Variants in TRIM29 observed in about 807,000 individuals in gnomAD.
The protein encoded by TRIM29 is tripartite motif-containing protein 29.
TRIM29 carries 52 observed loss-of-function variants against 57.3 expected under a neutral mutation model. The ratio of observed to expected loss-of-function variants is 0.91; its 90% confidence interval spans 0.73 to 1.14. The LOEUF (loss-of-function observed/expected upper bound fraction) is 1.14, where lower values mean the gene tolerates loss of function less well. TRIM29 is among the 50% of genes most tolerant of loss of function. The probability of loss-of-function intolerance (pLI) is 0.00; values close to 1 mark genes in which losing one functional copy is unlikely to be tolerated. For missense variants in TRIM29, 753 were observed against 774.6 expected (o/e 0.97, Z 0.33); for synonymous variants, 319 against 316.9 (o/e 1.01, Z -0.07).
chr11:120,112,487 A>C lies in TRIM29; in HGVS notation c.1705-11T>G. On this transcript the variant is annotated splice_polypyrimidine_tract_variant and intron_variant, in intron 8 of 8. Transcript: ENST00000341846. ...TGGCCGGTAGTGAGACTGTGGGGGA[A>C]ACAAGAGTGGTCAGCGAGGCCAGAC... 1 of 1,613,630 alleles carries C rather than the reference A, an allele frequency of 6.2e-7. No individual in the cohort carries two copies. Among genetic ancestry groups the C allele is most frequent in the Non-Finnish European group, 8.5e-7 (1 of 1,179,694 alleles).
intron 1 of TRIM29, among the ~76,000 whole-genome samples, chr11:120,134,603 T>C (rs1387564686): frequency 2.0e-5 from 3 of 152,124 alleles, no homozygotes; most frequent in Non-Finnish European, 4.4e-5. Flanking sequence ...CTGGCTCCAC[T>C]TCTCCCCGCC....
intron 4 of TRIM29, chr11:120,123,743 T>G: frequency 3.0e-6 from 1 of 333,044 alleles, no homozygotes; most frequent in Non-Finnish European, 5.9e-6. Flanking sequence ...CTTCCCTCTC[T>G]CTCTCCTGAG....
chr11:120,115,554 G>A (rs909740027), intron 7 of TRIM29, 140 bp from the exon 8 acceptor site: 31 of 711,136 alleles, frequency 4.4e-5, no homozygotes, highest in Middle Eastern at 2.4e-4. Flanking sequence ...GTCTGAACAC[G>A]CGTGCAGCAG....
rs532193556 is a variant in TRIM29 at position 120,121,919 on chromosome 11, A to AACAGCTTATCCT, written c.1435+1034_1435+1035insAGGATAAGCTGT. 8.2e-4 allele frequency: 363 copies of AACAGCTTATCCT among 445,208 alleles called. 3 individuals are homozygous for AACAGCTTATCCT. Among genetic ancestry groups the AACAGCTTATCCT allele is most frequent in the African/African-American group, 6.7e-3 (334 of 49,686 alleles). 27.6% of individuals were successfully genotyped at this position (445,208 alleles called of 1,614,324 possible). A position where few individuals can be genotyped will look rare whatever the true frequency, so the allele number is the denominator to read the frequency against. On this transcript the variant is annotated intron_variant, in intron 5 of 8. Transcript: ENST00000341846. ...TGAGGAGAGGGGTGCTGGGGCCGGC[A>AACAGCTTATCCT]CTCCCAGAACTTGCCCAAAGGCACA...
At chr11:120,127,078 T>C (rs1008278546) in intron 3 of TRIM29, among the ~76,000 whole-genome samples, 12 of 152,206 alleles carry the variant, frequency 7.9e-5, no homozygotes, top group South Asian at 2.1e-4. Context: ...CACATATCAA[T>C]TGAAGTTGGT....
chr11:120,115,433 C>A lies in TRIM29; in HGVS notation c.1628-19G>T. ...GGATAGCCTGGGAAGACAAGAGATT[C>A]AGGTCAAAGGGAGCAGCGCTGGTGG... is the stretch of plus-strand genomic sequence containing the variant. On this transcript the variant is annotated intron_variant, in intron 7 of 8. Coordinates refer to ENST00000341846, the MANE Select transcript of TRIM29 (RefSeq NM_012101.4). 1 of 1,611,124 alleles carries A rather than the reference C, an allele frequency of 6.2e-7. No individual in the cohort carries two copies. The highest frequency in any genetic ancestry group is 8.5e-7 in the Non-Finnish European group (1 of 1,178,530).
intron 4 of TRIM29, chr11:120,124,422 G>A (rs1055765679): frequency 6.6e-6 from 1 of 152,418 alleles, no homozygotes; most frequent in Admixed American, 6.5e-5. Flanking sequence ...CAGATGAGAG[G>A]GCATGGGAGA....
Position 120,118,278 on chromosome 11 carries a change from C to T in TRIM29, c.1572G>A (p.Gln524=). The T allele has an allele frequency of 6.2e-7, 1 of 1,614,000 alleles. No homozygotes were observed. Among genetic ancestry groups the T allele is most frequent in the Non-Finnish European group, 8.5e-7 (1 of 1,179,964 alleles). The change falls in exon 7 of 9, where the codon CAG becomes CAA. Residue 524 remains glutamine (Q), a synonymous_variant. Transcript: ENST00000341846. ...CGACGGGCAGGTCATTGTCAGAGTT[C>T]TGAATGCTGGAGGAGTACTCCCAGA... ...SRVWEYSSSI[Q]NSDNDLPVVQ...
intron 1 of TRIM29, among the ~76,000 whole-genome samples, chr11:120,130,373 G>A (rs1386797372): frequency 2.6e-5 from 4 of 152,170 alleles, no homozygotes; most frequent in African/African-American, 4.8e-5. Flanking sequence ...TTACCACCCC[G>A]AGGACAAGGT....
At chr11:120,113,226 C>T (rs1414877046) in intron 8 of TRIM29, among the ~76,000 whole-genome samples, 7 of 152,200 alleles carry the variant, frequency 4.6e-5, no homozygotes, top group African/African-American at 9.7e-5. Flanking sequence ...GCCATTGGTA[C>T]AGGGAGCATC....
chr11:120,126,073 T>A lies in TRIM29; in HGVS notation c.1135-184A>T, dbSNP rs1011089134. On this transcript the variant is annotated intron_variant, in intron 3 of 8. Transcript: ENST00000341846. The stretch of plus-strand genomic sequence containing the variant: ...AACTAAAAGCCACTGGATGCTAACA[T>A]CCCTGATGGCACTAGCGTTCAGATG... 6 of 621,980 alleles carry A rather than the reference T, an allele frequency of 9.6e-6. No homozygotes were observed. The Admixed American group carries it at 1.5e-4, about 15-fold the overall frequency. The allele number at this position is 621,980 out of a possible 1,614,324, so 38.5% of individuals were successfully genotyped here.
chr11:120,128,828 C>A, intron 1 of TRIM29: 1 of 1,518,426 alleles, frequency 6.6e-7, no homozygotes, highest in Middle Eastern at 1.7e-4. Flanking sequence ...AGGGTGCTTG[C>A]CCTTTTCAGT....
intron 2 of TRIM29, 62 bp downstream of exon 2, chr11:120,128,338 C>G: frequency 6.7e-7 from 1 of 1,490,008 alleles, no homozygotes; most frequent in Non-Finnish European, 9.2e-7. Context: ...CCAAGGCCTG[C>G]GTCTTTCCAG....
intron 6 of TRIM29, chr11:120,118,684 C>A: frequency 4.7e-6 from 1 of 215,052 alleles, no homozygotes; most frequent in Non-Finnish European, 9.3e-6. Context: ...ACATTCAAAC[C>A]AGGCTAAGCC....
chr11:120,132,015 A>G (rs1432367331), intron 1 of TRIM29, among the ~76,000 whole-genome samples: 2 of 151,262 alleles, frequency 1.3e-5, no homozygotes, highest in Non-Finnish European at 2.9e-5. Flanking sequence ...CACAGTTGGA[A>G]AGCGGTAAGG....
chr11:120,137,287 AC>A lies in TRIM29; in HGVS notation c.744del (p.Met248IlefsTer11), dbSNP rs1237984353. ...TDQTCICYLC[M>X]FQEHKNHSTV... ...GTGCTATGATTCTTGTGCTCCTGGA[AC>A]ATGCAAAGGTAGCAGATGCAGGTCT... On this transcript the variant is annotated frameshift_variant, in exon 1 of 9. Coordinates refer to ENST00000341846, the MANE Select transcript of TRIM29 (RefSeq NM_012101.4). LOFTEE classifies it high-confidence loss of function. The surrounding 1 kb of genome is among the most constrained non-coding windows in gnomAD (Gnocchi z 6.2). 5.6e-6 allele frequency: 9 copies of A among 1,614,024 alleles called. No homozygotes were observed. The highest frequency in any genetic ancestry group is 1.3e-5 in the African/African-American group (1 of 74,918).
chr11:120,113,479 A>G (rs1425081320), intron 8 of TRIM29: 4 of 354,486 alleles, frequency 1.1e-5, no homozygotes, highest in Non-Finnish European at 2.3e-5. Context: ...GACTGAGCCC[A>G]CTCCCATGCC....
chr11:120,121,141 C>A (rs1418978492), intron 5 of TRIM29, among the ~76,000 whole-genome samples: 1 of 152,088 alleles, frequency 6.6e-6, no homozygotes, highest in Non-Finnish European at 1.5e-5. Context: ...ACAATGAGCT[C>A]CCCATGTGTA....
intron 5 of TRIM29, among the ~76,000 whole-genome samples, chr11:120,122,154 G>GTC (rs1863469229): frequency 6.9e-6 from 1 of 144,908 alleles, no homozygotes; most frequent in Admixed American, 6.9e-5. Context: ...GTGTGTGTGT[G>GTC]TGTGTGTGTG....
Sources: allele counts gnomAD v4.1 joint callset (sites outside exome capture counted in the v4.1 genomes callset), GRCh38; gene constraint gnomAD v4.1.1; non-coding constraint Gnocchi (gnomAD v3.1); transcripts MANE v1.5; gene names NCBI Gene and HGNC (gene_info 2026-07-23, HGNC 2026-07-21).